The following KPNA1 variants were observed in gnomAD, a reference collection of about 807,000 sequenced individuals.
KPNA1 encodes the protein karyopherin subunit alpha 1, also known as importin subunit alpha-5.
A neutral mutation model predicts 70.5 loss-of-function variants in KPNA1; 10 were observed. The ratio of observed to expected loss-of-function variants is 0.14; its 90% CI spans 0.09 to 0.24. KPNA1 has a LOEUF of 0.24. Ranked by LOEUF, KPNA1 falls within the 10% of genes least tolerant of loss-of-function variation. The pLI is 1.00. For missense variants in KPNA1, 397 were observed against 637.9 expected, an observed-to-expected ratio of 0.62 and a Z score of 4.07; for synonymous variants, 192 against 221.9, an observed-to-expected ratio of 0.87 and a Z score of 1.20.
At chr3:122,452,370 G>A (rs1279471544) in intron 6 of KPNA1, among the ~76,000 whole-genome samples, 5 of 151,492 alleles carry the variant, frequency 3.3e-5, no homozygotes, top group South Asian at 4.2e-4. Context: ...TTAGCCGGGT[G>A]TGGTGGCAGG....
At position 122,463,347 on chromosome 3, in the gene KPNA1, C is replaced by CA. The variant is rs10575172; in HGVS notation, c.337+594dup. Reference sequence around the variant, plus strand: ...TGGGCGACAGAGTGAGACTCCATCTCAAAAAAAAAAAAAAAATACAAAAAT... The same window carrying CA: ...TGGGCGACAGAGTGAGACTCCATCTCAAAAAAAAAAAAAAAAATACAAAAAT... On this transcript the variant is annotated intron_variant, in intron 4 of 13. Transcript: ENST00000344337. 2.6e-4 allele frequency among the ~76,000 whole-genome samples: 35 copies of CA among 136,030 alleles called. No individual in the cohort carries two copies. The East Asian group carries it at 6.8e-3, about 26-fold the overall frequency. The allele number at this position is 136,030 out of a possible 152,430, so 89.2% of individuals were successfully genotyped here.
intron 9 of KPNA1, among the ~76,000 whole-genome samples, chr3:122,443,380 A>T (rs906732389): frequency 2.0e-5 from 3 of 152,216 alleles, no homozygotes; most frequent in African/African-American, 7.2e-5. Flanking sequence ...GGCAGGGCAT[A>T]GGCTGAACAA....
chr3:122,502,704 T>A (rs141105996), intron 1 of KPNA1, among the ~76,000 whole-genome samples: 1 of 152,220 alleles, frequency 6.6e-6, no homozygotes, highest in Non-Finnish European at 1.5e-5. Context: ...AAGGGAATCA[T>A]ATTTAAAGGT....
intron 1 of KPNA1, among the ~76,000 whole-genome samples, chr3:122,513,805 G>A (rs374108641): frequency 1.7e-4 from 26 of 152,134 alleles, no homozygotes; most frequent in African/African-American, 6.3e-4. Context: ...GGTTGCCCAA[G>A]ACTAGTCCCA....
intron 9 of KPNA1, among the ~76,000 whole-genome samples, chr3:122,449,243 A>C (rs1406242204): frequency 6.6e-6 from 1 of 152,236 alleles, no homozygotes; most frequent in Non-Finnish European, 1.5e-5. Context: ...AGACAGACAG[A>C]TAAGGAATGA....
intron 7 of KPNA1, 106 bp from the exon 8 acceptor site, chr3:122,451,739 C>A: frequency 2.6e-6 from 2 of 776,248 alleles, no homozygotes; most frequent in Non-Finnish European, 4.2e-6. Context: ...CTTCAGATAG[C>A]TTTTCTCCAG....
chr3:122,469,097 T>C (rs2076413414), intron 2 of KPNA1, among the ~76,000 whole-genome samples: 1 of 152,186 alleles, frequency 6.6e-6, no homozygotes, highest in African/African-American at 2.4e-5. Flanking sequence ...CCATGTCTCA[T>C]TAATGCAGGG....
chr3:122,469,174 G>A (rs2076414022), intron 2 of KPNA1, among the ~76,000 whole-genome samples: 1 of 152,250 alleles, frequency 6.6e-6, no homozygotes, highest in South Asian at 2.1e-4. Flanking sequence ...AAAAAAGCCA[G>A]TGCCCTTATA....
intron 2 of KPNA1, among the ~76,000 whole-genome samples, chr3:122,495,045 A>T (rs1465999016): frequency 1.3e-5 from 2 of 152,102 alleles, no homozygotes; most frequent in Non-Finnish European, 2.9e-5. Flanking sequence ...AGGACAAGAG[A>T]TCAAGACCAT....
intron 12 of KPNA1, 96 bp from the exon 13 acceptor site, chr3:122,427,812 T>G: frequency 1.4e-6 from 1 of 740,042 alleles, no homozygotes. Flanking sequence ...CTGCAGAGAC[T>G]TAAAAAAAAA....
chr3:122,460,545 G>GA (rs1291963592), intron 5 of KPNA1: 2 of 203,620 alleles, frequency 9.8e-6, no homozygotes, highest in Non-Finnish European at 1.7e-5. Context: ...GCTGAGGCAG[G>GA]AGAATCACTT....
chr3:122,472,291 A>T (rs193021520), intron 2 of KPNA1, among the ~76,000 whole-genome samples: 96 of 152,190 alleles, frequency 6.3e-4, no homozygotes, highest in East Asian at 3.7e-3. Flanking sequence ...TATAATTTTT[A>T]AAAAAAACCC....
At chr3:122,503,640 C>G (rs1387443382) in intron 1 of KPNA1, among the ~76,000 whole-genome samples, 2 of 152,110 alleles carry the variant, frequency 1.3e-5, no homozygotes, top group African/African-American at 2.4e-5. Flanking sequence ...AGCATACTTC[C>G]CACTGTCTGG....
chr3:122,431,136 TA>T (rs1422637895), intron 12 of KPNA1, among the ~76,000 whole-genome samples: 2 of 152,252 alleles, frequency 1.3e-5, no homozygotes, highest in Non-Finnish European at 2.9e-5. Flanking sequence ...ATATTCAACC[TA>T]AAATTCTAGA....
chr3:122,459,802 G>A, intron 5 of KPNA1: 1 of 985,376 alleles, frequency 1.0e-6, no homozygotes. Flanking sequence ...TTTTCCTCTG[G>A]AAGGAACTCA....
intron 2 of KPNA1, among the ~76,000 whole-genome samples, chr3:122,485,813 T>A (rs574074426): frequency 3.6e-4 from 55 of 152,162 alleles, no homozygotes; most frequent in Admixed American, 2.2e-3. Context: ...CAAAGAAGTA[T>A]ATAAGATGAT....
intron 1 of KPNA1, among the ~76,000 whole-genome samples, chr3:122,510,740 T>G (rs776839285): frequency 3.3e-5 from 5 of 152,174 alleles, no homozygotes; most frequent in Non-Finnish European, 7.4e-5. Context: ...TTTATAAATA[T>G]GAAAGCAAAC....
At chr3:122,450,083 CTT>C (rs2076182362) in intron 8 of KPNA1, among the ~76,000 whole-genome samples, 2 of 152,156 alleles carry the variant, frequency 1.3e-5, no homozygotes, top group South Asian at 2.1e-4. Context: ...ATTTTAGATA[CTT>C]TGTTAAAGAC....
At chr3:122,504,346 C>T (rs1194472056) in intron 1 of KPNA1, among the ~76,000 whole-genome samples, 1 of 152,132 alleles carries the variant, frequency 6.6e-6, no homozygotes, top group Non-Finnish European at 1.5e-5. Context: ...CTAAGGAGCT[C>T]TCTGTGATCT....
Sources: gnomAD v4.1 joint callset for allele counts (sites outside exome capture counted in the v4.1 genomes callset) on GRCh38, gnomAD v4.1.1 for gene constraint, MANE v1.5 for transcripts, NCBI Gene and HGNC (gene_info 2026-07-23, HGNC 2026-07-21) for gene names.